GLIS3: variants seen among roughly 807,000 people sequenced by gnomAD.
GLIS3 encodes GLIS family zinc finger 3, also known as zinc finger protein GLIS3.
A neutral mutation model predicts 78.6 loss-of-function variants in GLIS3; 53 were observed. The observed-to-expected ratio is 0.67, with a 90% CI of 0.54 to 0.85. The LOEUF (loss-of-function observed/expected upper bound fraction) is 0.85. Among genes scored for constraint, GLIS3 ranks in the 40% least tolerant of loss-of-function variants. The pLI is 0.00. For synonymous variants in GLIS3, 684 were observed against 509.9 expected, an observed-to-expected ratio of 1.34 and a Z score of -4.60; for missense variants, 1,703 against 1,231.1, an observed-to-expected ratio of 1.38 and a Z score of -5.74.
intron 4 of GLIS3, among the ~76,000 whole-genome samples, chr9:3,997,252 C>A (rs879584007): frequency 2.6e-5 from 4 of 151,898 alleles, no homozygotes; most frequent in Non-Finnish European, 5.9e-5. Flanking sequence ...AGGCTGAGGC[C>A]GGAGAATCGC....
chr9:3,939,555 T>G (rs539760780), intron 4 of GLIS3, among the ~76,000 whole-genome samples: 6 of 152,274 alleles, frequency 3.9e-5, no homozygotes, highest in African/African-American at 1.2e-4. Context: ...ATCCTGACCA[T>G]TTTCAAATAG....
chr9:4,076,500 T>G (rs1156371250), intron 4 of GLIS3, among the ~76,000 whole-genome samples: 1 of 152,216 alleles, frequency 6.6e-6, no homozygotes, highest in Admixed American at 6.5e-5. Context: ...AAATGTACTA[T>G]AATTAGTATA....
At chr9:4,002,627 C>T (rs1351602564) in intron 4 of GLIS3, among the ~76,000 whole-genome samples, 1 of 152,164 alleles carries the variant, frequency 6.6e-6, no homozygotes, top group African/African-American at 2.4e-5. Flanking sequence ...CACCTAAAGT[C>T]ATTCCCCACT....
intron 4 of GLIS3, among the ~76,000 whole-genome samples, chr9:4,072,061 C>T (rs1306857429): frequency 6.6e-6 from 1 of 152,164 alleles, no homozygotes; most frequent in African/African-American, 2.4e-5. Context: ...CCTGTTGTCT[C>T]AGCCACTAAA....
chr9:4,225,236 C>T (rs1261841749), intron 2 of GLIS3, among the ~76,000 whole-genome samples: 6 of 152,114 alleles, frequency 3.9e-5, no homozygotes, highest in African/African-American at 1.4e-4. Flanking sequence ...AAAAGGTTGA[C>T]TCTCATATAC....
chr9:4,370,367 G>C, the GLIS3 span, among the ~76,000 whole-genome samples: 3 of 152,000 alleles, frequency 2.0e-5, no homozygotes, highest in South Asian at 2.1e-4. Context: ...CCTTCCCTGA[G>C]AGCCATGGGG....
At chr9:4,077,696 G>A (rs1352208256) in intron 4 of GLIS3, among the ~76,000 whole-genome samples, 2 of 152,066 alleles carry the variant, frequency 1.3e-5, no homozygotes, top group African/African-American at 4.8e-5. Flanking sequence ...AGGGGGCGCG[G>A]GGGGGTAAGT....
At chr9:4,100,958 G>T (rs559113697) in intron 4 of GLIS3, among the ~76,000 whole-genome samples, 1 of 152,266 alleles carries the variant, frequency 6.6e-6, no homozygotes, top group South Asian at 2.1e-4. Flanking sequence ...TAATATAATA[G>T]CCAGCCCTGG....
intron 4 of GLIS3, among the ~76,000 whole-genome samples, chr9:4,081,513 G>A (rs1828551066): frequency 6.6e-6 from 1 of 152,166 alleles, no homozygotes; most frequent in South Asian, 2.1e-4. Flanking sequence ...GCTAAATGGA[G>A]AAAACACTGT....
intron 4 of GLIS3, among the ~76,000 whole-genome samples, chr9:4,009,853 T>C (rs944889619): frequency 1.2e-4 from 18 of 152,048 alleles, no homozygotes; most frequent in African/African-American, 4.3e-4. Context: ...AGAGGCAGGG[T>C]CTGAGGAGGG....
chr9:4,025,230 C>A (rs1823231218), intron 4 of GLIS3, among the ~76,000 whole-genome samples: 1 of 150,832 alleles, frequency 6.6e-6, no homozygotes. Context: ...CCAACCTAGG[C>A]AACAGTGAGA....
chr9:4,336,331 C>A (rs1817756873), intron 2 of GLIS3, among the ~76,000 whole-genome samples: 1 of 152,194 alleles, frequency 6.6e-6, no homozygotes, highest in Admixed American at 6.5e-5. Flanking sequence ...CACTAAGCCC[C>A]TGGTGCTGCT....
chr9:4,332,705 T>C (rs1050261597), intron 2 of GLIS3, among the ~76,000 whole-genome samples: 1 of 152,246 alleles, frequency 6.6e-6, no homozygotes, highest in Non-Finnish European at 1.5e-5. Context: ...CTTTGAGCTA[T>C]TGTAGCTAAT....
intron 4 of GLIS3, among the ~76,000 whole-genome samples, chr9:4,097,294 G>A (rs891457121): frequency 6.6e-6 from 1 of 152,142 alleles, no homozygotes; most frequent in Middle Eastern, 3.4e-3. Context: ...GTAAAAAAAA[G>A]TATGAGTGAG....
At chr9:4,073,730 A>G (rs563550290) in intron 4 of GLIS3, among the ~76,000 whole-genome samples, 1 of 152,268 alleles carries the variant, frequency 6.6e-6, no homozygotes, top group East Asian at 1.9e-4. Flanking sequence ...TTGCTCCCCC[A>G]ATAGCTTAGC....
At position 4,118,464 on chromosome 9, in the gene GLIS3, C is replaced by T. The variant is rs765633796; in HGVS notation, c.1014G>A (p.Pro338=). 5.0e-6 allele frequency: 8 copies of T among 1,613,562 alleles called. No individual in the cohort carries two copies. The highest frequency in any genetic ancestry group is 6.8e-6 in the Non-Finnish European group (8 of 1,180,026). The change falls in exon 4 of 11, where the codon CCG becomes CCA. Residue 338 remains proline (P), a synonymous_variant. Coordinates refer to ENST00000381971, the MANE Select transcript of GLIS3 (RefSeq NM_001042413.2). This position sits in a 1 kb window ranked among gnomAD's most constrained non-coding sequence, Gnocchi z 4.7. ...CCTCCGGCTGCGGGGACAGGTTGGC[C>T]GGCGAAGCCCTCGACCCGTTGATGT... ...VAYINGSRAS[P]ANLSPQPEVY...
chr9:4,353,833 A>G, the GLIS3 span, among the ~76,000 whole-genome samples: 3 of 152,016 alleles, frequency 2.0e-5, no homozygotes, highest in African/African-American at 7.2e-5. Context: ...TTTGTTTCCC[A>G]CAGTCTCCTC....
the GLIS3 span, among the ~76,000 whole-genome samples, chr9:4,467,794 A>C: frequency 4.3e-4 from 66 of 152,252 alleles, no homozygotes; most frequent in Admixed American, 1.2e-3. Flanking sequence ...GACTCTGACG[A>C]GTTGAGAGAA....
At chr9:3,891,661 C>A (rs960188289) in intron 7 of GLIS3, among the ~76,000 whole-genome samples, 1 of 152,132 alleles carries the variant, frequency 6.6e-6, no homozygotes, top group Non-Finnish European at 1.5e-5. Flanking sequence ...ATGATCATGC[C>A]ACTGCACTCT....
Sources: allele counts gnomAD v4.1 joint callset (sites outside exome capture counted in the v4.1 genomes callset), GRCh38; gene constraint gnomAD v4.1.1; non-coding constraint Gnocchi (gnomAD v3.1); transcripts MANE v1.5; gene names NCBI Gene and HGNC (gene_info 2026-07-23, HGNC 2026-07-21).